Variants in PGM2L1 observed in about 807,000 individuals in gnomAD.
PGM2L1 encodes the protein phosphoglucomutase 2 like 1.
In PGM2L1, 35 loss-of-function variants were observed where a neutral mutation model predicts 73.4. The observed-to-expected ratio is 0.48, with a 90% CI of 0.36 to 0.63. The LOEUF is 0.63. PGM2L1 is among the 30% of genes least tolerant of loss of function. The probability of loss-of-function intolerance (pLI) is 0.00; values close to 1 mark genes in which losing one functional copy is unlikely to be tolerated. For missense variants in PGM2L1, 570 were observed against 742.0 expected, an observed-to-expected ratio of 0.77 and a Z score of 2.69; for synonymous variants, 225 against 253.8, an observed-to-expected ratio of 0.89 and a Z score of 1.08.
At chr11:74,345,676 C>A in intron 8 of PGM2L1, 27 bp from the exon 9 acceptor site, 1 of 1,596,228 alleles carries the variant, frequency 6.3e-7, no homozygotes, top group Non-Finnish European at 8.6e-7. Context: ...AATACAATGT[C>A]AAGACCTTTC....
chr11:74,354,329 T>C, intron 5 of PGM2L1: 1 of 527,590 alleles, frequency 1.9e-6, no homozygotes, highest in Non-Finnish European at 3.3e-6. Flanking sequence ...CAGGAATAAA[T>C]GTTAAAAAAT....
rs570228417 is a variant in PGM2L1 at position 74,394,331 on chromosome 11, A to T, written c.111+3720T>A. ...CATTAATAAAACATTCTGAATTCAG[A>T]CATCAGTTTCTGTGGCATTGGGCAC... is the stretch of plus-strand genomic sequence containing the variant. On this transcript the variant is annotated intron_variant, in intron 1 of 13. Transcript: ENST00000298198. 2.8e-4 allele frequency among the ~76,000 whole-genome samples: 43 copies of T among 152,336 alleles called. No homozygotes were observed. The South Asian group carries it at 8.7e-3, about 31-fold the overall frequency.
At chr11:74,368,705 A>G (rs570366182) in intron 4 of PGM2L1, 130 bp from the exon 5 acceptor site, 3 of 591,808 alleles carry the variant, frequency 5.1e-6, no homozygotes, top group South Asian at 2.8e-5. Flanking sequence ...TACCCTCTTT[A>G]TTTTCTATTT....
intron 1 of PGM2L1, among the ~76,000 whole-genome samples, chr11:74,375,624 T>C (rs754684337): frequency 5.9e-5 from 9 of 152,256 alleles, no homozygotes; most frequent in Non-Finnish European, 1.0e-4. Flanking sequence ...TATTTGTCCT[T>C]AGAAATACAT....
intron 1 of PGM2L1, among the ~76,000 whole-genome samples, chr11:74,397,298 A>G (rs1272883518): frequency 6.6e-6 from 1 of 151,760 alleles, no homozygotes; most frequent in Non-Finnish European, 1.5e-5. Flanking sequence ...TCTGATTGTC[A>G]CAAATTCATC....
chr11:74,370,804 T>C (rs1224049335), intron 4 of PGM2L1, 98 bp downstream of exon 4: 6 of 1,084,656 alleles, frequency 5.5e-6, no homozygotes, highest in African/African-American at 1.6e-5. Flanking sequence ...TATTACTCAA[T>C]ACAGAACTAC....
At chr11:74,394,606 A>G (rs1381911150) in intron 1 of PGM2L1, among the ~76,000 whole-genome samples, 2 of 152,210 alleles carry the variant, frequency 1.3e-5, no homozygotes, top group Non-Finnish European at 2.9e-5. Flanking sequence ...GTCTTTACAC[A>G]TCCTTCCAAA....
At chr11:74,379,774 A>C (rs1014283228) in intron 1 of PGM2L1, among the ~76,000 whole-genome samples, 1 of 152,012 alleles carries the variant, frequency 6.6e-6, no homozygotes, top group Non-Finnish European at 1.5e-5. Flanking sequence ...AAATACAAAA[A>C]ATTAGCCAGG....
intron 12 of PGM2L1, among the ~76,000 whole-genome samples, chr11:74,339,937 G>A (rs988122081): frequency 6.6e-6 from 1 of 152,160 alleles, no homozygotes; most frequent in Non-Finnish European, 1.5e-5. Flanking sequence ...AGCCCCCAAA[G>A]TCTCTTCCAT....
chr11:74,363,983 G>A (rs1410566790), intron 5 of PGM2L1, among the ~76,000 whole-genome samples: 8 of 152,058 alleles, frequency 5.3e-5, no homozygotes, highest in African/African-American at 1.4e-4. Flanking sequence ...CTGGCAAACC[G>A]AATCCAGCAG....
intron 5 of PGM2L1, chr11:74,355,086 G>A (rs1862422491): frequency 2.4e-6 from 3 of 1,275,288 alleles, no homozygotes; most frequent in Non-Finnish European, 2.3e-6. Flanking sequence ...TGGTGGGAAG[G>A]ACAACTTTGG....
intron 1 of PGM2L1, among the ~76,000 whole-genome samples, chr11:74,392,319 A>G (rs1442711945): frequency 1.3e-5 from 2 of 152,162 alleles, no homozygotes; most frequent in Admixed American, 6.5e-5. Context: ...TGAAAACAGG[A>G]GAAAATGTAG....
intron 6 of PGM2L1, among the ~76,000 whole-genome samples, chr11:74,347,678 G>T (rs964824800): frequency 1.6e-4 from 24 of 152,108 alleles, no homozygotes; most frequent in Non-Finnish European, 3.4e-4. Flanking sequence ...TCGCTTGCCA[G>T]TAGACCCCTC....
chr11:74,378,682 C>G (rs968723193), intron 1 of PGM2L1, among the ~76,000 whole-genome samples: 1 of 152,184 alleles, frequency 6.6e-6, no homozygotes, highest in Non-Finnish European at 1.5e-5. Context: ...AAGAAAGTGT[C>G]TTCTTACATA....
Position 74,371,699 on chromosome 11 carries a change from T to A in PGM2L1, c.386+12A>T, listed in dbSNP as rs1185486502. On this transcript the variant is annotated intron_variant, in intron 3 of 13. Transcript: ENST00000298198. The stretch of plus-strand genomic sequence containing the variant: ...TATTTCAACTTAATCTTTGAAACAA[T>A]TAACTTTGTACCTCTGGCTGCTGCA... 2 of 1,601,886 alleles carry A rather than the reference T, an allele frequency of 1.2e-6. No individual in the cohort carries two copies. Among genetic ancestry groups the A allele is most frequent in the African/African-American group, 2.7e-5 (2 of 74,752 alleles).
chr11:74,389,917 C>T (rs1863069512), intron 1 of PGM2L1, among the ~76,000 whole-genome samples: 1 of 118,106 alleles, frequency 8.5e-6, no homozygotes, highest in Non-Finnish European at 1.7e-5. Context: ...TCCTGGCTAA[C>T]ATGGTGAAAC....
At chr11:74,397,829 T>C in intron 1 of PGM2L1, 2 of 507,962 alleles carry the variant, frequency 3.9e-6, no homozygotes, top group Non-Finnish European at 3.0e-6. Context: ...AGGTTACAAT[T>C]GAGAGCACTG....
rs767228393 is a variant in PGM2L1 at position 74,336,759 on chromosome 11, G to A, written c.1767-5C>T. 3.8e-6 allele frequency: 6 copies of A among 1,571,702 alleles called. No individual in the cohort carries two copies. Among genetic ancestry groups the A allele is most frequent in the African/African-American group, 2.7e-5 (2 of 73,336 alleles). ...TCCTCCAGTAAAGCAGTGTCACTGA[G>A]GAAAAGATGAAGAGTTTTGGAATTA... On this transcript the variant is annotated splice_region_variant and splice_polypyrimidine_tract_variant and intron_variant, in intron 13 of 13. Coordinates refer to ENST00000298198, the MANE Select transcript of PGM2L1 (RefSeq NM_173582.6).
intron 1 of PGM2L1, among the ~76,000 whole-genome samples, chr11:74,379,402 C>T (rs1446576184): frequency 2.0e-5 from 3 of 152,094 alleles, no homozygotes; most frequent in Non-Finnish European, 4.4e-5. Context: ...CACATTTCAA[C>T]ATGAGATTTA....
Sources: allele counts gnomAD v4.1 joint callset (sites outside exome capture counted in the v4.1 genomes callset), GRCh38; gene constraint gnomAD v4.1.1; transcripts MANE v1.5; gene names NCBI Gene and HGNC (gene_info 2026-07-23, HGNC 2026-07-21).